PCBP4: variants seen among roughly 807,000 people sequenced by gnomAD.
The protein encoded by PCBP4 is poly(rC) binding protein 4, also known as poly(rC)-binding protein 4.
In PCBP4, 24 loss-of-function variants were observed where a neutral mutation model predicts 46.2. The ratio of observed to expected loss-of-function variants is 0.52; its 90% CI spans 0.38 to 0.73. PCBP4 has a LOEUF of 0.73. Ranked by LOEUF, PCBP4 falls within the 30% of genes least tolerant of loss-of-function variation. The probability of loss-of-function intolerance (pLI) is 0.00; values close to 1 mark genes in which losing one functional copy is unlikely to be tolerated. For missense variants in PCBP4, 407 were observed against 537.0 expected (o/e 0.76, Z 2.39); for synonymous variants, 203 against 224.4 (o/e 0.90, Z 0.85).
At position 51,959,466 on chromosome 3, in the gene PCBP4, G is replaced by C. The variant is rs921810519; in HGVS notation, c.592-55C>G. On this transcript the variant is annotated intron_variant, in intron 9 of 13. Transcript: ENST00000461554. This position sits in a 1 kb window ranked among gnomAD's most constrained non-coding sequence, Gnocchi z 5.6. ...TTACTGTGACATTGCAGTTCAGCCAGAGTCACTCCTTCCCCCGTCCCTGGA... is the reference window on the plus strand; with the variant it reads ...TTACTGTGACATTGCAGTTCAGCCACAGTCACTCCTTCCCCCGTCCCTGGA... 1.9e-6 allele frequency: 3 copies of C among 1,551,270 alleles called. No individual in the cohort carries two copies. Among genetic ancestry groups the C allele is most frequent in the East Asian group, 2.3e-5 (1 of 42,982 alleles).
At chr3:51,961,733 C>T in intron 2 of PCBP4, 2 of 993,418 alleles carry the variant, frequency 2.0e-6, no homozygotes, top group South Asian at 4.5e-5. Flanking sequence ...AGGTGGAGTT[C>T]AGGCTGAAAG....
At chr3:51,966,759 G>A (rs1237112682) in intron 1 of PCBP4, among the ~76,000 whole-genome samples, 3 of 152,036 alleles carry the variant, frequency 2.0e-5, no homozygotes, top group Non-Finnish European at 4.4e-5. Flanking sequence ...CTCCTGGCCA[G>A]GCAGGCATGA....
chr3:51,966,341 G>A (rs930633892), intron 1 of PCBP4, among the ~76,000 whole-genome samples: 8 of 152,156 alleles, frequency 5.3e-5, no homozygotes, highest in Non-Finnish European at 8.8e-5. Flanking sequence ...ATGAAGGCTA[G>A]GGGGTGGGGG....
In PCBP4 at chr3:51,959,738, G is replaced by A; in HGVS notation, c.517-87C>T. The A allele has an allele frequency of 6.9e-7, 1 of 1,458,276 alleles. No homozygotes were observed. Among genetic ancestry groups the A allele is most frequent in the Non-Finnish European group, 9.3e-7 (1 of 1,070,284 alleles). The allele number at this position is 1,458,276 out of a possible 1,614,324, so 90.3% of individuals were successfully genotyped here. On this transcript the variant is annotated intron_variant, in intron 8 of 13. Coordinates refer to ENST00000461554, the MANE Select transcript of PCBP4 (RefSeq NM_001174100.2). The surrounding 1 kb of genome is among the most constrained non-coding windows in gnomAD (Gnocchi z 5.6). ...CCCAGTGGCCTCAGGCCCCCACCATGACCCCCAGGGAAATGCACATGATCC... is the reference window on the plus strand; with the variant it reads ...CCCAGTGGCCTCAGGCCCCCACCATAACCCCCAGGGAAATGCACATGATCC...
At position 51,958,808 on chromosome 3, in the gene PCBP4, T is replaced by A. The variant is rs139578879; in HGVS notation, c.905A>T (p.Gln302Leu). Reference sequence around the variant, plus strand: ...CGCTCACCAGGCAGTGATGAGGTACTGGGCCAGGGCGATGGAGACCGGAGA... The same window carrying A: ...CGCTCACCAGGCAGTGATGAGGTACAGGGCCAGGGCGATGGAGACCGGAGA... ...TGSPVSIALAQYLITACLETA... is the reference protein window; with the variant it reads ...TGSPVSIALALYLITACLETA... Residue 302 changes from glutamine to leucine, a missense_variant, in exon 13 of 14, where the codon CAG (glutamine) becomes CTG (leucine). Physicochemically the swap from Gln to Leu is moderately radical, Grantham distance 113. Transcript: ENST00000461554. This position sits in a 1 kb window ranked among gnomAD's most constrained non-coding sequence, Gnocchi z 5.4. 186 of 1,613,482 alleles carry A rather than the reference T, an allele frequency of 1.2e-4. No individual in the cohort carries two copies. The highest frequency in any genetic ancestry group is 2.8e-4 in the Admixed American group (17 of 59,986).
At chr3:51,961,332 G>T in intron 2 of PCBP4, 28 bp from the exon 3 acceptor site, 1 of 1,517,378 alleles carries the variant, frequency 6.6e-7, no homozygotes. Flanking sequence ...AGAGGGGTTC[G>T]AGAGGAGCCC....
At chr3:51,965,673 G>A (rs1181745215) in intron 1 of PCBP4, among the ~76,000 whole-genome samples, 9 of 152,184 alleles carry the variant, frequency 5.9e-5, no homozygotes, top group African/African-American at 1.7e-4. Flanking sequence ...TGAGGGTCCC[G>A]GAGGAGTAAT....
chr3:51,961,103 C>A, intron 3 of PCBP4, 57 bp downstream of exon 3: 1 of 1,613,964 alleles, frequency 6.2e-7, no homozygotes, highest in Non-Finnish European at 8.5e-7. Flanking sequence ...CTGGGATACC[C>A]AGTGAAACCC....
At chr3:51,964,702 C>T (rs1700335488) in intron 1 of PCBP4, among the ~76,000 whole-genome samples, 1 of 152,246 alleles carries the variant, frequency 6.6e-6, no homozygotes, top group African/African-American at 2.4e-5. Context: ...CCTAACTCTC[C>T]TGCCCAATCC....
In PCBP4 at chr3:51,961,174, G is replaced by C; in HGVS notation, c.67C>G (p.Leu23Val). 6.2e-7 allele frequency: 1 copy of C among 1,613,594 alleles called. No individual in the cohort carries two copies. Among genetic ancestry groups the C allele is most frequent in the Non-Finnish European group, 8.5e-7 (1 of 1,179,994 alleles). Residue 23 changes from leucine (L) to valine (V), a missense_variant, in exon 3 of 14, where the codon CTG becomes GTG. By Grantham distance (32) the Leu-to-Val change is conservative. Coordinates refer to ENST00000461554, the MANE Select transcript of PCBP4 (RefSeq NM_001174100.2). ...CTCCCGCTCACCTTCCCGTGCATCA[G>C]CATCCGCAGCGTGAGGGTGATGCTG... is the stretch of plus-strand genomic sequence containing the variant. ...ELSITLTLRM[L>V]MHGKEVGSII...
At chr3:51,966,047 G>A (rs1432489427) in intron 1 of PCBP4, among the ~76,000 whole-genome samples, 1 of 152,248 alleles carries the variant, frequency 6.6e-6, no homozygotes, top group Non-Finnish European at 1.5e-5. Context: ...GGCTACATGG[G>A]AGACAACTGG....
chr3:51,965,043 A>T (rs1451501479), intron 1 of PCBP4, among the ~76,000 whole-genome samples: 2 of 152,196 alleles, frequency 1.3e-5, no homozygotes, highest in Non-Finnish European at 2.9e-5. Flanking sequence ...ACCAAGGGAA[A>T]CCAAGTCAAG....
Position 51,959,696 on chromosome 3 carries a change from G to T in PCBP4, c.517-45C>A. 2 of 1,520,380 alleles carry T rather than the reference G, an allele frequency of 1.3e-6. No individual in the cohort carries two copies. Among genetic ancestry groups the T allele is most frequent in the South Asian group, 1.2e-5 (1 of 83,236 alleles). The allele number at this position is 1,520,380 out of a possible 1,614,324, so 94.2% of individuals were successfully genotyped here. On this transcript the variant is annotated intron_variant, in intron 8 of 13. Coordinates refer to ENST00000461554, the MANE Select transcript of PCBP4 (RefSeq NM_001174100.2). The surrounding 1 kb of genome is among the most constrained non-coding windows in gnomAD (Gnocchi z 5.6). ...CTCTGTCAGGACCCTCTCAGGCTCC[G>T]ATAACCTCCCCAGCTGCCCAGTGGC...
At chr3:51,964,828 T>A (rs1700344631) in intron 1 of PCBP4, among the ~76,000 whole-genome samples, 1 of 152,114 alleles carries the variant, frequency 6.6e-6, no homozygotes, top group South Asian at 2.1e-4. Flanking sequence ...TAGCCAATCA[T>A]CTACAGTTGG....
intron 2 of PCBP4, 56 bp from the exon 3 acceptor site, chr3:51,961,360 C>T: frequency 1.4e-6 from 2 of 1,474,982 alleles, no homozygotes; most frequent in Non-Finnish European, 9.0e-7. Context: ...CCTGCCCCTG[C>T]CCTTACATGG....
rs1473622867 is a variant in PCBP4 at position 51,959,202 on chromosome 3, CT to C, written c.700+26del. On this transcript the variant is annotated intron_variant, in intron 11 of 13. Transcript: ENST00000461554. The surrounding 1 kb of genome is among the most constrained non-coding windows in gnomAD (Gnocchi z 5.6). ...GGGCTGCCCTCTTAGGACCCTCCCCCTGCCTCCTTGTGCAGGGGTGGCTTAC... is the reference window on the plus strand; with the variant it reads ...GGGCTGCCCTCTTAGGACCCTCCCCCGCCTCCTTGTGCAGGGGTGGCTTAC... 6.2e-7 allele frequency: 1 copy of C among 1,613,684 alleles called. No individual in the cohort carries two copies. Among genetic ancestry groups the C allele is most frequent in the Non-Finnish European group, 8.5e-7 (1 of 1,179,762 alleles).
chr3:51,958,691 G>T lies in PCBP4; in HGVS notation c.923+99C>A. On this transcript the variant is annotated intron_variant, in intron 13 of 13. Transcript: ENST00000461554. The surrounding 1 kb of genome is among the most constrained non-coding windows in gnomAD (Gnocchi z 5.4). Reference sequence around the variant, plus strand: ...TTAGGAGAGGCAGAGGTCGGGCCCAGACAGAGAGAGGAGGCCAGCTTCCTC... The same window carrying T: ...TTAGGAGAGGCAGAGGTCGGGCCCATACAGAGAGAGGAGGCCAGCTTCCTC... 1 of 1,384,766 alleles carries T rather than the reference G, an allele frequency of 7.2e-7. No homozygotes were observed. Among genetic ancestry groups the T allele is most frequent in the Non-Finnish European group, 9.8e-7 (1 of 1,015,714 alleles). The allele number at this position is 1,384,766 out of a possible 1,614,324, so 85.8% of individuals were successfully genotyped here. A position where few individuals can be genotyped will look rare whatever the true frequency, so the allele number is the denominator to read the frequency against.
rs1175628746 is a variant in PCBP4 at position 51,958,290 on chromosome 3, G to A, written c.983C>T (p.Pro328Leu). 6.4e-7 allele frequency: 1 copy of A among 1,562,028 alleles called. No homozygotes were observed. Among genetic ancestry groups the A allele is most frequent in the East Asian group, 2.3e-5 (1 of 43,656 alleles). ...CGTCAGGGGTGGCGAGAAGGGGGCA[G>A]GCAGGTCTGCGGGGGCCGAGCTGGG... ...GTPSSAPADL[P>L]APFSPPLTAL... The change falls in exon 14 of 14, where the codon CCT becomes CTT. Residue 328 changes from proline (P) to leucine (L), a missense_variant. By Grantham distance (98) the Pro-to-Leu change is moderately conservative. Transcript: ENST00000461554. This position sits in a 1 kb window ranked among gnomAD's most constrained non-coding sequence, Gnocchi z 5.4.
At position 51,958,717 on chromosome 3, in the gene PCBP4, T is replaced by G; in HGVS notation, c.923+73A>C. On this transcript the variant is annotated intron_variant, in intron 13 of 13. Transcript: ENST00000461554. This position sits in a 1 kb window ranked among gnomAD's most constrained non-coding sequence, Gnocchi z 5.4. ...ACAGAGAGAGGAGGCCAGCTTCCTC[T>G]CCCCACCCCTGCCTTTCTTGGGCAC... 2 of 1,523,654 alleles carry G rather than the reference T, an allele frequency of 1.3e-6. No homozygotes were observed. The highest frequency in any genetic ancestry group is 1.8e-4 in the Middle Eastern group (1 of 5,472). The allele number at this position is 1,523,654 out of a possible 1,614,324, so 94.4% of individuals were successfully genotyped here.
Sources: allele counts gnomAD v4.1 joint callset (sites outside exome capture counted in the v4.1 genomes callset), GRCh38; gene constraint gnomAD v4.1.1; non-coding constraint Gnocchi (gnomAD v3.1); transcripts MANE v1.5; gene names NCBI Gene and HGNC (gene_info 2026-07-23, HGNC 2026-07-21).